Variants in SPRED1 observed in about 807,000 individuals in gnomAD.
SPRED1 encodes the protein sprouty related EVH1 domain containing 1.
Under a neutral mutation model 52.3 loss-of-function variants are expected in SPRED1, and 18 were observed. The ratio of observed to expected loss-of-function variants is 0.34; its 90% confidence interval spans 0.24 to 0.51. The LOEUF (loss-of-function observed/expected upper bound fraction) is 0.51, where lower values mean the gene tolerates loss of function less well. Among genes scored for constraint, SPRED1 ranks in the 20% least tolerant of loss-of-function variants. The pLI, the probability that SPRED1 is intolerant of heterozygous loss-of-function variation, is 0.97. For missense variants in SPRED1, 485 were observed against 551.0 expected (o/e 0.88, Z 1.20); for synonymous variants, 155 against 179.7 (o/e 0.86, Z 1.10).
At chr15:38,297,685 C>T (rs1366103376) in intron 1 of SPRED1, among the ~76,000 whole-genome samples, 1 of 7,184 alleles carries the variant, frequency 1.4e-4, no homozygotes, top group Non-Finnish European at 5.6e-3. Flanking sequence ...CAATTATTTC[C>T]CAGATCCTGA....
intron 1 of SPRED1, among the ~76,000 whole-genome samples, chr15:38,290,672 C>G (rs903101689): frequency 5.9e-5 from 9 of 152,016 alleles, no homozygotes; most frequent in African/African-American, 2.2e-4. Context: ...ATGGTGGCAG[C>G]AAAAGAAAAA....
At chr15:38,326,572 A>G (rs1190764160) in intron 4 of SPRED1, among the ~76,000 whole-genome samples, 4 of 152,222 alleles carry the variant, frequency 2.6e-5, no homozygotes, top group Non-Finnish European at 5.9e-5. Flanking sequence ...TTGAAGTAGT[A>G]GGTCCTATAC....
At chr15:38,288,504 A>G (rs992514579) in intron 1 of SPRED1, among the ~76,000 whole-genome samples, 1 of 152,192 alleles carries the variant, frequency 6.6e-6, no homozygotes, top group Non-Finnish European at 1.5e-5. Context: ...AGGTGGATGG[A>G]TGCTGGTGCT....
At chr15:38,296,163 TCTAGCAGTTGGGTGGGGTATATAATAGG>T (rs1427427722) in intron 1 of SPRED1, among the ~76,000 whole-genome samples, 2 of 152,116 alleles carry the variant, frequency 1.3e-5, no homozygotes, top group Non-Finnish European at 2.9e-5. Flanking sequence ...CTTCTACTTG[TCTAGCAGTTGGGTGGGGTATATAATAGG>T]CTTGGTAATC....
intron 1 of SPRED1, among the ~76,000 whole-genome samples, chr15:38,270,051 A>G (rs1894399687): frequency 1.3e-5 from 2 of 151,286 alleles, no homozygotes; most frequent in Non-Finnish European, 3.0e-5. Flanking sequence ...GGGATTAAAG[A>G]CGTGTGCCAC....
chr15:38,260,171 A>T (rs1013197930), intron 1 of SPRED1, among the ~76,000 whole-genome samples: 1 of 152,236 alleles, frequency 6.6e-6, no homozygotes, highest in Non-Finnish European at 1.5e-5. Context: ...TTGTCTCACA[A>T]TTACTAAAGG....
At chr15:38,316,716 G>T (rs772974683) in intron 2 of SPRED1, among the ~76,000 whole-genome samples, 1 of 92,762 alleles carries the variant, frequency 1.1e-5, no homozygotes, top group South Asian at 3.8e-4. Context: ...AATTTGTTGC[G>T]GCTTTTTCTA....
At chr15:38,323,772 C>G (rs994754695) in intron 3 of SPRED1, among the ~76,000 whole-genome samples, 10 of 152,200 alleles carry the variant, frequency 6.6e-5, no homozygotes, top group Non-Finnish European at 1.2e-4. Context: ...AGAACCAGTG[C>G]TTTAAAGAGA....
chr15:38,282,493 C>G (rs1342324694), intron 1 of SPRED1, among the ~76,000 whole-genome samples: 28 of 150,344 alleles, frequency 1.9e-4, no homozygotes, highest in Admixed American at 1.8e-3. Flanking sequence ...GGCAACAGAG[C>G]GAGACCCCGT....
intron 1 of SPRED1, among the ~76,000 whole-genome samples, chr15:38,285,611 G>A (rs928437058): frequency 3.3e-5 from 5 of 152,282 alleles, no homozygotes; most frequent in Admixed American, 2.6e-4. Flanking sequence ...AATGGCTGGA[G>A]ATGAAGTCAC....
chr15:38,283,494 T>C (rs1036479313), intron 1 of SPRED1: 1 of 984,226 alleles, frequency 1.0e-6, no homozygotes, highest in African/African-American at 1.7e-5. Flanking sequence ...TGTTTCCTTG[T>C]AGGTGTCAGG....
At chr15:38,291,034 G>A (rs973435136) in intron 1 of SPRED1, among the ~76,000 whole-genome samples, 2 of 152,106 alleles carry the variant, frequency 1.3e-5, no homozygotes, top group Non-Finnish European at 2.9e-5. Flanking sequence ...CCCTCTGCTT[G>A]TGAGCCTGTA....
chr15:38,314,910 G>T (rs539082647), intron 2 of SPRED1, among the ~76,000 whole-genome samples: 6 of 151,284 alleles, frequency 4.0e-5, no homozygotes, highest in Non-Finnish European at 8.9e-5. Context: ...AACTGCTATT[G>T]TGTGAGAATC....
Position 38,353,476 on chromosome 15 carries a change from A to AT in SPRED1, c.*1815dup, listed in dbSNP as rs1312074416. 1.3e-5 allele frequency: 2 copies of AT among 152,524 alleles called. No homozygotes were observed. Among genetic ancestry groups the AT allele is most frequent in the African/African-American group, 4.8e-5 (2 of 41,454 alleles). The allele number at this position is 152,524 out of a possible 1,614,324, so 9.4% of individuals were successfully genotyped here. A position where few individuals can be genotyped will look rare whatever the true frequency, so the allele number is the denominator to read the frequency against. On this transcript the variant is annotated 3_prime_UTR_variant, in exon 7 of 7. Coordinates refer to ENST00000299084, the MANE Select transcript of SPRED1 (RefSeq NM_152594.3). ...CTATAGATGTTATGAAGAAGAGGGT[A>AT]TTTCTAGTTTTGTACTAAAAATCAA...
intron 2 of SPRED1, among the ~76,000 whole-genome samples, chr15:38,317,488 TAC>T (rs1388493135): frequency 6.6e-6 from 1 of 152,028 alleles, no homozygotes; most frequent in African/African-American, 2.4e-5. Flanking sequence ...TGCTATTTTC[TAC>T]AGTTTGTTTG....
intron 5 of SPRED1, 62 bp from the exon 6 acceptor site, chr15:38,349,360 T>G (rs1896204144): frequency 8.0e-7 from 1 of 1,257,482 alleles, no homozygotes; most frequent in Non-Finnish European, 1.2e-6. Flanking sequence ...GAACATACAC[T>G]GTACAGTTTC....
At chr15:38,341,228 G>T (rs1340777257) in intron 5 of SPRED1, among the ~76,000 whole-genome samples, 7 of 151,740 alleles carry the variant, frequency 4.6e-5, no homozygotes, top group African/African-American at 1.7e-4. Flanking sequence ...TTGCTTAGGG[G>T]TTGATAAATT....
chr15:38,311,466 CAT>C (rs1756291112), intron 2 of SPRED1, among the ~76,000 whole-genome samples: 1 of 152,088 alleles, frequency 6.6e-6, no homozygotes, highest in Admixed American at 6.6e-5. Context: ...AGTACTCCCT[CAT>C]ATTCTGTTTT....
intron 2 of SPRED1, among the ~76,000 whole-genome samples, chr15:38,321,796 T>C (rs1895607512): frequency 6.6e-6 from 1 of 152,146 alleles, no homozygotes; most frequent in African/African-American, 2.4e-5. Context: ...GGTTTCACCA[T>C]GTTGGCCACG....
Sources: allele counts gnomAD v4.1 joint callset (sites outside exome capture counted in the v4.1 genomes callset), GRCh38; gene constraint gnomAD v4.1.1; transcripts MANE v1.5; gene names NCBI Gene and HGNC (gene_info 2026-07-23, HGNC 2026-07-21).